KDM3B: variants seen among roughly 807,000 people sequenced by gnomAD.
KDM3B encodes the protein lysine-specific demethylase 3B.
A neutral mutation model predicts 170.0 loss-of-function variants in KDM3B; 10 were observed. The ratio of observed to expected loss-of-function variants is 0.06; its 90% CI spans 0.04 to 0.10. The LOEUF is 0.10. Ranked by LOEUF, KDM3B falls within the 10% of genes least tolerant of loss-of-function variation. The pLI is 1.00. For synonymous variants in KDM3B, 831 were observed against 834.8 expected, an observed-to-expected ratio of 1.00 and a Z score of 0.08; for missense variants, 1,394 against 2,195.2, an observed-to-expected ratio of 0.64 and a Z score of 7.29.
At chr5:138,358,903 A>AT in intron 1 of KDM3B, among the ~76,000 whole-genome samples, 1 of 150,904 alleles carries the variant, frequency 6.6e-6, no homozygotes, top group East Asian at 2.0e-4. Flanking sequence ...TTAACTCGTC[A>AT]TTTAGCATTA....
chr5:138,418,928 A>T (rs1763177873), intron 13 of KDM3B, 25 bp from the exon 14 acceptor site: 1 of 1,608,302 alleles, frequency 6.2e-7, no homozygotes, highest in African/African-American at 1.3e-5. Flanking sequence ...CAGCACTCTA[A>T]TTATGTTGGC....
At chr5:138,422,511 A>T (rs555222041) in intron 15 of KDM3B, among the ~76,000 whole-genome samples, 1 of 152,236 alleles carries the variant, frequency 6.6e-6, no homozygotes, top group Admixed American at 6.5e-5. Flanking sequence ...ATGATGGCAC[A>T]TGCTTATAAT....
chr5:138,406,793 G>A, intron 11 of KDM3B, among the ~76,000 whole-genome samples: 1 of 152,076 alleles, frequency 6.6e-6, no homozygotes. Context: ...AGTGGCGTGT[G>A]CCTATACTCT....
chr5:138,413,866 A>G (rs192231152), intron 11 of KDM3B, among the ~76,000 whole-genome samples: 1 of 152,112 alleles, frequency 6.6e-6, no homozygotes, highest in Non-Finnish European at 1.5e-5. Flanking sequence ...TCCTGAGCCC[A>G]CCTCAGCCTC....
intron 11 of KDM3B, among the ~76,000 whole-genome samples, chr5:138,403,265 C>G (rs1762733313): frequency 6.6e-6 from 1 of 152,194 alleles, no homozygotes; most frequent in Non-Finnish European, 1.5e-5. Context: ...AAAGTCACAA[C>G]CTTGCATTTA....
chr5:138,421,981 T>C (rs1429388152), intron 15 of KDM3B, among the ~76,000 whole-genome samples: 1 of 152,194 alleles, frequency 6.6e-6, no homozygotes, highest in Admixed American at 6.5e-5. Context: ...CCTGGCATGC[T>C]CCCTCTTCAG....
intron 11 of KDM3B, among the ~76,000 whole-genome samples, chr5:138,407,294 T>G (rs1346020216): frequency 6.6e-6 from 1 of 152,154 alleles, no homozygotes; most frequent in Non-Finnish European, 1.5e-5. Context: ...CCTATGCCAA[T>G]AACTTTTACA....
intron 6 of KDM3B, among the ~76,000 whole-genome samples, chr5:138,384,236 A>T (rs1762198006): frequency 6.8e-6 from 1 of 146,412 alleles, no homozygotes; most frequent in African/African-American, 2.6e-5. Flanking sequence ...ACAGAGCAAG[A>T]CTCCGACTTA....
chr5:138,424,021 T>G, intron 15 of KDM3B, 54 bp from the exon 16 acceptor site: 1 of 1,489,784 alleles, frequency 6.7e-7, no homozygotes, highest in Non-Finnish European at 9.0e-7. Context: ...GTTTTTTGAA[T>G]GCCGTTCTCA....
rs1763140780 is a variant in KDM3B at position 138,417,773 on chromosome 5, A to G, written c.3435+163A>G. ...GAGCTTAAATAACTTTACTCAAAGGATTTTAATTACCCCTGATTGGTACAG... is the reference window on the plus strand; with the variant it reads ...GAGCTTAAATAACTTTACTCAAAGGGTTTTAATTACCCCTGATTGGTACAG... On this transcript the variant is annotated intron_variant, in intron 13 of 23. Transcript: ENST00000314358. 6.1e-6 allele frequency: 4 copies of G among 654,486 alleles called. No individual in the cohort carries two copies. In the South Asian group the frequency reaches 8.0e-5, roughly 13 times the overall value. The allele number at this position is 654,486 out of a possible 1,614,324, so 40.5% of individuals were successfully genotyped here.
rs368629074 is a variant in KDM3B at position 138,408,310 on chromosome 5, C to T, written c.3200-6822C>T. 4.6e-5 allele frequency among the ~76,000 whole-genome samples: 7 copies of T among 151,328 alleles called. No homozygotes were observed. In the East Asian group the frequency reaches 7.7e-4, roughly 17 times the overall value. On this transcript the variant is annotated intron_variant, in intron 11 of 23. Coordinates refer to ENST00000314358, the MANE Select transcript of KDM3B (RefSeq NM_016604.4). ...ACTGGTCTGGGAGTCCCCTCTCTCA[C>T]GAGAGAGAGCTGTTTTACTTTCTCT...
chr5:138,373,119 C>G (rs933518633), intron 2 of KDM3B, among the ~76,000 whole-genome samples: 4 of 152,136 alleles, frequency 2.6e-5, no homozygotes, highest in African/African-American at 9.7e-5. Flanking sequence ...GCAGGAAGAT[C>G]CCTTAAGCTC....
intron 3 of KDM3B, among the ~76,000 whole-genome samples, chr5:138,377,231 A>C (rs1224589875): frequency 6.6e-6 from 1 of 152,230 alleles, no homozygotes. Context: ...AAGCAAAAAG[A>C]TTTGCGAGGA....
chr5:138,386,191 G>T lies in KDM3B; in HGVS notation c.950G>T (p.Gly317Val), dbSNP rs868682027. The change falls in exon 7 of 24, where the codon GGT becomes GTT. Residue 317 changes from glycine to valine, a missense_variant. Coordinates refer to ENST00000314358, the MANE Select transcript of KDM3B (RefSeq NM_016604.4). ...GTAGACAGTAATGGGAGCGATGGAG[G>T]TGAGGCAAGCCGAGGGCCCTGGAAA... ...GEVDSNGSDG[G>V]EASRGPWKGG... 2.2e-5 allele frequency: 36 copies of T among 1,614,024 alleles called. No individual in the cohort carries two copies. The Admixed American group carries it at 5.2e-4, about 23-fold the overall frequency.
intron 2 of KDM3B, among the ~76,000 whole-genome samples, chr5:138,373,628 G>A (rs1051865672): frequency 2.6e-5 from 4 of 151,696 alleles, no homozygotes; most frequent in African/African-American, 9.7e-5. Context: ...GACTACAGAC[G>A]CACAGCACGG....
chr5:138,429,710 C>G (rs1392858147), intron 20 of KDM3B, 116 bp from the exon 21 acceptor site: 2 of 1,145,892 alleles, frequency 1.7e-6, no homozygotes, highest in African/African-American at 3.1e-5. Flanking sequence ...TTCTGCCTTA[C>G]ATTATTCCAG....
chr5:138,426,765 C>T, intron 17 of KDM3B: 1 of 458,934 alleles, frequency 2.2e-6, no homozygotes, highest in Non-Finnish European at 4.0e-6. Flanking sequence ...GTGGTGGTTG[C>T]CTGTAATCCC....
Position 138,399,949 on chromosome 5 carries a change from C to T in KDM3B, c.3136C>T (p.Arg1046Cys), listed in dbSNP as rs1298432252. ...TCTCTTCAACATCCACTGGGTTTGTCGCAAATGTGGATTTGGGGTCTGCCT... is the reference window on the plus strand; with the variant it reads ...TCTCTTCAACATCCACTGGGTTTGTTGCAAATGTGGATTTGGGGTCTGCCT... The part of the protein sequence containing the change: ...TTLFNIHWVC[R>C]KCGFGVCLDC... Residue 1046 changes from arginine to cysteine, a missense_variant, in exon 11 of 24, where the codon CGC becomes TGC. Coordinates refer to ENST00000314358, the MANE Select transcript of KDM3B (RefSeq NM_016604.4). 1.9e-6 allele frequency: 3 copies of T among 1,614,130 alleles called. No individual in the cohort carries two copies. Among genetic ancestry groups the T allele is most frequent in the East Asian group, 2.2e-5 (1 of 44,884 alleles).
In KDM3B at chr5:138,393,200, A is replaced by G; in HGVS notation, c.2659A>G (p.Lys887Glu). The G allele has an allele frequency of 1.9e-6, 3 of 1,614,186 alleles. No individual in the cohort carries two copies. Among genetic ancestry groups the G allele is most frequent in the Non-Finnish European group, 2.5e-6 (3 of 1,180,046 alleles). ...VGQSVLKDVSKVKKLKQSGEP... is the reference protein window; with the variant it reads ...VGQSVLKDVSEVKKLKQSGEP... ...CCAGTCAGTGCTGAAAGATGTAAGC[A>G]AAGTGAAGAAGCTGAAGCAATCTGG... Residue 887 changes from lysine (K) to glutamate (E), a missense_variant, in exon 9 of 24, where the codon AAA becomes GAA. This residue lies in a region of KDM3B where 76 missense variants were observed against 190.2 expected (regional missense o/e 0.40). Transcript: ENST00000314358.
Sources: allele counts gnomAD v4.1 joint callset (sites outside exome capture counted in the v4.1 genomes callset), GRCh38; gene constraint gnomAD v4.1.1; regional missense constraint gnomAD v4.1.1; transcripts MANE v1.5; gene names NCBI Gene and HGNC (gene_info 2026-07-23, HGNC 2026-07-21).